Variants in RERE observed in about 807,000 individuals in gnomAD.
The protein encoded by RERE is arginine-glutamic acid dipeptide repeats protein.
In RERE, 40 loss-of-function variants were observed where a neutral mutation model predicts 146.1. That is an observed-to-expected ratio of 0.27 (90% CI 0.21 to 0.36). The LOEUF is 0.36. Ranked by LOEUF, RERE falls within the 10% of genes least tolerant of loss-of-function variation. RERE has a pLI of 1.00. For synonymous variants in RERE, 1,003 were observed against 866.0 expected (o/e 1.16, Z -2.78); for missense variants, 1,933 against 2,138.7 (o/e 0.90, Z 1.90).
intron 10 of RERE, among the ~76,000 whole-genome samples, chr1:8,478,612 A>G (rs1019623399): frequency 6.6e-6 from 1 of 152,232 alleles, no homozygotes; most frequent in African/African-American, 2.4e-5. Context: ...AGGGCTGGCC[A>G]GGACAACACA....
chr1:8,463,846 G>C (rs977353528), intron 11 of RERE, among the ~76,000 whole-genome samples: 2 of 152,242 alleles, frequency 1.3e-5, no homozygotes, highest in Non-Finnish European at 2.9e-5. Flanking sequence ...AAGCTGACAA[G>C]GCCCTGAGGC....
intron 1 of RERE, among the ~76,000 whole-genome samples, chr1:8,716,681 AT>A (rs777016964): frequency 1.1e-4 from 16 of 152,158 alleles, no homozygotes. Context: ...AGAAAAAAAA[AT>A]CATATGAAAT....
intron 2 of RERE, among the ~76,000 whole-genome samples, chr1:8,626,497 C>G (rs1055573096): frequency 6.6e-6 from 1 of 152,192 alleles, no homozygotes; most frequent in Non-Finnish European, 1.5e-5. Context: ...CTAAATCCAA[C>G]CCAAAGGGCA....
chr1:8,402,613 C>T (rs1643300432), intron 12 of RERE, among the ~76,000 whole-genome samples: 2 of 152,160 alleles, frequency 1.3e-5, no homozygotes, highest in Admixed American at 6.5e-5. Context: ...ACTTTTTATA[C>T]ATTGCTGGGT....
chr1:8,519,696 G>A (rs1380573228), intron 7 of RERE: 3 of 152,148 alleles, frequency 2.0e-5, no homozygotes, highest in Middle Eastern at 3.4e-3. Context: ...ATGAGTTCCC[G>A]AAGTACCACT....
chr1:8,524,818 C>T (rs1200274869), intron 7 of RERE, among the ~76,000 whole-genome samples: 1 of 152,144 alleles, frequency 6.6e-6, no homozygotes, highest in African/African-American at 2.4e-5. Flanking sequence ...GCACAACTTC[C>T]CCTGGGTAGA....
chr1:8,519,807 G>A (rs897572248), intron 7 of RERE: 4 of 151,908 alleles, frequency 2.6e-5, no homozygotes, highest in Non-Finnish European at 4.4e-5. Flanking sequence ...AAGTACATGC[G>A]GGTAAGAACT....
intron 2 of RERE, among the ~76,000 whole-genome samples, chr1:8,653,410 T>C (rs1647730008): frequency 6.6e-6 from 1 of 152,164 alleles, no homozygotes; most frequent in Admixed American, 6.5e-5. Context: ...TAATGTAATC[T>C]ATATCTAAAA....
chr1:8,631,919 C>T (rs901566957), intron 2 of RERE, among the ~76,000 whole-genome samples: 3 of 152,200 alleles, frequency 2.0e-5, no homozygotes, highest in African/African-American at 7.2e-5. Context: ...AGGAAGAGAA[C>T]TTCCAGGCTT....
rs1387538259 is a variant in RERE, at chr1:8,450,746, T to C, written c.1203+15179A>G. Reference sequence around the variant, plus strand: ...TCTCATCAACCATGCCCATCCGGGTTCCCCCATCACAGTGTCAACCACTTG... The same window carrying C: ...TCTCATCAACCATGCCCATCCGGGTCCCCCCATCACAGTGTCAACCACTTG... On this transcript the variant is annotated intron_variant, in intron 11 of 22. Transcript: ENST00000400908. Among the ~76,000 whole-genome samples the C allele has an allele frequency of 4.6e-5, 7 of 152,158 alleles. No individual in the cohort carries two copies. In the South Asian group the frequency reaches 1.5e-3, roughly 32 times the overall value.
rs528178657 is a variant in RERE at position 8,403,987 on chromosome 1, C to T, written c.1284+18740G>A. ...CTGGGATTACAGGCACGCGTCACCA[C>T]GTCCAGCTAATTTTCGTATTTTTAG... On this transcript the variant is annotated intron_variant, in intron 12 of 22. Transcript: ENST00000400908. Among the ~76,000 whole-genome samples the T allele has an allele frequency of 9.9e-4, 151 of 151,924 alleles. 1 individual carries two copies. The highest frequency in any genetic ancestry group is 1.8e-3 in the Admixed American group (27 of 15,276).
intron 7 of RERE, among the ~76,000 whole-genome samples, chr1:8,523,962 TCAAA>T (rs1425713960): frequency 2.6e-5 from 4 of 152,242 alleles, no homozygotes; most frequent in Non-Finnish European, 4.4e-5. Context: ...TTCTCCTGAC[TCAAA>T]CAATGAGTTT....
At chr1:8,757,100 A>G (rs1180796174) in intron 1 of RERE, among the ~76,000 whole-genome samples, 1 of 151,684 alleles carries the variant, frequency 6.6e-6, no homozygotes, top group African/African-American at 2.4e-5. Context: ...CAAAAAAAAA[A>G]AAAAAAAAAA....
At chr1:8,536,968 T>A (rs1238823870) in intron 7 of RERE, among the ~76,000 whole-genome samples, 1 of 152,094 alleles carries the variant, frequency 6.6e-6, no homozygotes, top group African/African-American at 2.4e-5. Context: ...TTTGGGAAGC[T>A]GAGGAGGGAG....
intron 1 of RERE, among the ~76,000 whole-genome samples, chr1:8,736,871 A>AAAC (rs1640211740): frequency 2.7e-5 from 4 of 148,904 alleles, no homozygotes; most frequent in South Asian, 2.1e-4. Flanking sequence ...AAAAAAAAAA[A>AAAC]AAAACTAAAA....
At chr1:8,781,661 C>T (rs1490313605) in intron 1 of RERE, among the ~76,000 whole-genome samples, 2 of 151,104 alleles carry the variant, frequency 1.3e-5, no homozygotes, top group East Asian at 3.9e-4. Flanking sequence ...ACCTGTTACA[C>T]AGGATTGTGA....
intron 12 of RERE, chr1:8,380,656 CT>C (rs1642413568): frequency 2.8e-6 from 1 of 361,952 alleles, no homozygotes; most frequent in Admixed American, 3.7e-5. Context: ...CCATCAAGAG[CT>C]TTTTTAAAAG....
chr1:8,767,113 T>C (rs1357552294), intron 1 of RERE, among the ~76,000 whole-genome samples: 1 of 152,220 alleles, frequency 6.6e-6, no homozygotes, highest in East Asian at 1.9e-4. Flanking sequence ...AAATTGACTA[T>C]TCATTTTCTA....
intron 1 of RERE, chr1:8,806,656 C>A (rs768947690): frequency 2.6e-5 from 4 of 152,118 alleles, no homozygotes; most frequent in Non-Finnish European, 5.9e-5. Flanking sequence ...GCCTACTGTA[C>A]TCTTCGCAAG....
Sources: gnomAD v4.1 joint callset for allele counts (sites outside exome capture counted in the v4.1 genomes callset) on GRCh38, gnomAD v4.1.1 for gene constraint, MANE v1.5 for transcripts, NCBI Gene and HGNC (gene_info 2026-07-23, HGNC 2026-07-21) for gene names.